The following CDKAL1 variants were observed in gnomAD, a reference collection of about 807,000 sequenced individuals.
CDKAL1 encodes threonylcarbamoyladenosine tRNA methylthiotransferase.
In CDKAL1, 32 loss-of-function variants were observed where a neutral mutation model predicts 68.2. The observed-to-expected ratio is 0.47, with a 90% CI of 0.35 to 0.63. The LOEUF is 0.63. CDKAL1 is among the 30% of genes least tolerant of loss of function. The pLI, the probability that CDKAL1 is intolerant of heterozygous loss-of-function variation, is 0.00. For missense variants in CDKAL1, 606 were observed against 696.7 expected (o/e 0.87, Z 1.47); for synonymous variants, 234 against 244.3 (o/e 0.96, Z 0.39).
intron 9 of CDKAL1, among the ~76,000 whole-genome samples, chr6:20,878,805 A>G (rs1760667680): frequency 7.2e-6 from 1 of 138,412 alleles, no homozygotes; most frequent in African/African-American, 2.7e-5. Flanking sequence ...TCGGCAGGGC[A>G]TGGTGGCTCA....
chr6:20,557,041 C>CAAAAAAAA (rs199509135), intron 4 of CDKAL1, among the ~76,000 whole-genome samples: 8 of 121,086 alleles, frequency 6.6e-5, no homozygotes, highest in African/African-American at 1.1e-4. Context: ...GTCTCCATCT[C>CAAAAAAAA]AAAAAAAAAA....
intron 13 of CDKAL1, among the ~76,000 whole-genome samples, chr6:21,114,867 T>C (rs1774327874): frequency 6.6e-6 from 1 of 152,240 alleles, no homozygotes; most frequent in African/African-American, 2.4e-5. Flanking sequence ...AATATTGATA[T>C]ATATTTCAAT....
intron 9 of CDKAL1, among the ~76,000 whole-genome samples, chr6:20,877,461 A>T (rs537726619): frequency 6.6e-6 from 1 of 152,288 alleles, no homozygotes; most frequent in South Asian, 2.1e-4. Context: ...TCACAGGCTG[A>T]CTAGGACCAA....
rs571094932 is a variant in CDKAL1, at chr6:20,679,995, A to G, written c.371+30618A>G. 4.0e-5 allele frequency among the ~76,000 whole-genome samples: 6 copies of G among 148,918 alleles called. No homozygotes were observed. The South Asian group carries it at 8.3e-4, about 21-fold the overall frequency. ...TTTAAAATTTTTTTGCTGGGACTCT[A>G]GTTTTATCAACGTTATTTTTTTCTT... On this transcript the variant is annotated intron_variant, in intron 5 of 15. Transcript: ENST00000274695.
chr6:21,175,606 G>A (rs1361487038), intron 13 of CDKAL1, among the ~76,000 whole-genome samples: 1 of 152,112 alleles, frequency 6.6e-6, no homozygotes, highest in African/African-American at 2.4e-5. Context: ...GGTTATGTGT[G>A]TCATTTATTG....
intron 11 of CDKAL1, among the ~76,000 whole-genome samples, chr6:21,014,957 A>G (rs1370347133): frequency 6.6e-6 from 1 of 152,164 alleles, no homozygotes; most frequent in African/African-American, 2.4e-5. Context: ...GTGTTATTTC[A>G]GTTTTTTCAC....
chr6:20,954,859 T>C (rs1764702985), intron 9 of CDKAL1, among the ~76,000 whole-genome samples: 1 of 152,216 alleles, frequency 6.6e-6, no homozygotes, highest in Non-Finnish European at 1.5e-5. Context: ...AGCAACCAAC[T>C]TTTTTGAATG....
chr6:21,203,806 C>T (rs532638930), intron 15 of CDKAL1, among the ~76,000 whole-genome samples: 5 of 150,200 alleles, frequency 3.3e-5, no homozygotes, highest in African/African-American at 4.9e-5. Flanking sequence ...AAGCGATTCT[C>T]CTGCCTCAGC....
At chr6:20,921,977 T>C (rs1245876292) in intron 9 of CDKAL1, among the ~76,000 whole-genome samples, 1 of 152,210 alleles carries the variant, frequency 6.6e-6, no homozygotes, top group Non-Finnish European at 1.5e-5. Context: ...CCTTAGTTTA[T>C]TTGTGTGCTG....
intron 8 of CDKAL1, among the ~76,000 whole-genome samples, chr6:20,808,033 G>A (rs1776645718): frequency 6.6e-6 from 1 of 152,190 alleles, no homozygotes; most frequent in Admixed American, 6.5e-5. Context: ...AATTTGCTCA[G>A]TTAAAATCAC....
intron 8 of CDKAL1, among the ~76,000 whole-genome samples, chr6:20,789,506 A>G (rs1775810627): frequency 1.3e-5 from 2 of 152,224 alleles, no homozygotes; most frequent in African/African-American, 4.8e-5. Context: ...TCATTATTTG[A>G]AATAAACTTT....
At chr6:20,590,294 TG>T (rs1419885202) in intron 4 of CDKAL1, among the ~76,000 whole-genome samples, 2 of 152,200 alleles carry the variant, frequency 1.3e-5, no homozygotes, top group Non-Finnish European at 2.9e-5. Context: ...AGACTAGATA[TG>T]CAAATTACCT....
At chr6:20,894,245 G>A (rs1581780572) in intron 9 of CDKAL1, among the ~76,000 whole-genome samples, 1 of 152,094 alleles carries the variant, frequency 6.6e-6, no homozygotes, top group South Asian at 2.1e-4. Context: ...TTTTTGGTCA[G>A]ATATTGTTTT....
intron 7 of CDKAL1, among the ~76,000 whole-genome samples, chr6:20,774,798 A>G (rs1259103219): frequency 3.3e-5 from 5 of 152,238 alleles, no homozygotes; most frequent in African/African-American, 4.8e-5. Context: ...GTTTAGTAAC[A>G]TTCTTTAATG....
At chr6:20,620,078 C>T (rs1007817917) in intron 4 of CDKAL1, among the ~76,000 whole-genome samples, 6 of 152,218 alleles carry the variant, frequency 3.9e-5, no homozygotes, top group South Asian at 2.1e-4. Flanking sequence ...GTTTTCTTCC[C>T]GTAGATTCTC....
At chr6:20,878,666 G>T (rs867549727) in intron 9 of CDKAL1, among the ~76,000 whole-genome samples, 1 of 152,092 alleles carries the variant, frequency 6.6e-6, no homozygotes, top group Non-Finnish European at 1.5e-5. Context: ...CGGGGAGTGG[G>T]CGGAGGTTGC....
chr6:21,136,329 G>A (rs1775596398), intron 13 of CDKAL1, among the ~76,000 whole-genome samples: 1 of 152,196 alleles, frequency 6.6e-6, no homozygotes, highest in Admixed American at 6.5e-5. Flanking sequence ...AATACAAACA[G>A]TAAGATTCTG....
chr6:20,690,366 A>G (rs1304723207), intron 5 of CDKAL1, among the ~76,000 whole-genome samples: 1 of 152,076 alleles, frequency 6.6e-6, no homozygotes, highest in Non-Finnish European at 1.5e-5. Context: ...CTTTTTTGGT[A>G]TTGCATTTTA....
chr6:21,054,400 C>CT (rs146812856), intron 11 of CDKAL1, among the ~76,000 whole-genome samples: 27,609 of 151,822 alleles, frequency 0.18, 2,614 homozygotes, highest in Middle Eastern at 0.24. Flanking sequence ...ATTCCACCAG[C>CT]TTTTTTTTCT....
Sources: gnomAD v4.1 joint callset for allele counts (sites outside exome capture counted in the v4.1 genomes callset) on GRCh38, gnomAD v4.1.1 for gene constraint, MANE v1.5 for transcripts, NCBI Gene and HGNC (gene_info 2026-07-23, HGNC 2026-07-21) for gene names.